SLC36A1: variants seen among roughly 807,000 people sequenced by gnomAD.
SLC36A1 encodes the protein solute carrier family 36 member 1.
In SLC36A1, 30 loss-of-function variants were observed where a neutral mutation model predicts 47.5. The observed-to-expected ratio is 0.63, with a 90% CI of 0.47 to 0.86. The LOEUF (loss-of-function observed/expected upper bound fraction) is 0.86. Among genes scored for constraint, SLC36A1 ranks in the 40% least tolerant of loss-of-function variants. SLC36A1 has a pLI of 0.00. For synonymous variants in SLC36A1, 255 were observed against 249.7 expected (o/e 1.02, Z -0.20); for missense variants, 517 against 606.0 (o/e 0.85, Z 1.54).
At chr5:151,428,824 G>T in the SLC36A1 span, among the ~76,000 whole-genome samples, 12 of 152,286 alleles carry the variant, frequency 7.9e-5, 2 homozygotes, top group Admixed American at 7.2e-4. Context: ...GTAGAGACGG[G>T]GTTTCACCAT....
chr5:151,374,887 T>A, the SLC36A1 span, among the ~76,000 whole-genome samples: 2 of 150,250 alleles, frequency 1.3e-5, no homozygotes, highest in Admixed American at 1.3e-4. Flanking sequence ...GGCAACTTTC[T>A]AATGGAGTTA....
chr5:151,463,565 C>A lies in SLC36A1; in HGVS notation c.156C>A (p.Thr52=). ...GQSNSTTWFQ[T]LIHLLKGNIG... ...TCTTCCACTTCAGATGGTTCCAGAC[C>A]TTGATCCACCTGTTAAAAGGCAACA... is the stretch of plus-strand genomic sequence containing the variant. Residue 52 remains threonine (T), a synonymous_variant, in exon 3 of 11, where the codon ACC becomes ACA. Transcript: ENST00000243389. 6.2e-7 allele frequency: 1 copy of A among 1,613,946 alleles called. No individual in the cohort carries two copies. The highest frequency in any genetic ancestry group is 8.5e-7 in the Non-Finnish European group (1 of 1,179,838).
the SLC36A1 span, among the ~76,000 whole-genome samples, chr5:151,530,719 CTTA>C: frequency 5.9e-5 from 9 of 152,184 alleles, no homozygotes; most frequent in East Asian, 1.5e-3. Flanking sequence ...AAAAGGAGTT[CTTA>C]TTATACAGAG....
At chr5:151,402,766 T>C in the SLC36A1 span, among the ~76,000 whole-genome samples, 2 of 152,198 alleles carry the variant, frequency 1.3e-5, no homozygotes, top group Admixed American at 1.3e-4. Flanking sequence ...TTTATCAGTT[T>C]CCTCTAGATT....
At chr5:151,479,555 A>G (rs1300922635) in intron 10 of SLC36A1, 66 bp downstream of exon 10, 9 of 1,557,052 alleles carry the variant, frequency 5.8e-6, no homozygotes, top group African/African-American at 2.7e-5. Context: ...GCAGGCTTTC[A>G]TGAGAAAAGA....
rs1471516599 is a variant in SLC36A1 at position 151,467,773 on chromosome 5, A to G, written c.571A>G (p.Thr191Ala). The G allele has an allele frequency of 6.2e-7, 1 of 1,613,862 alleles. No individual in the cohort carries two copies. The highest frequency in any genetic ancestry group is 1.3e-5 in the African/African-American group (1 of 74,856). The change falls in exon 7 of 11, where the codon ACC becomes GCC. Residue 191 changes from threonine to alanine, a missense_variant. Transcript: ENST00000243389. ...CAATGAGACGGTGATTCTGACGCCT[A>G]CCATGGACTCGCGACTCTACATGCT... ...HNNETVILTPTMDSRLYMLSF... is the reference protein window; with the variant it reads ...HNNETVILTPAMDSRLYMLSF...
At chr5:151,419,078 TTTC>T in the SLC36A1 span, among the ~76,000 whole-genome samples, 2 of 152,184 alleles carry the variant, frequency 1.3e-5, no homozygotes, top group African/African-American at 4.8e-5. Flanking sequence ...AAGTGCCTGG[TTTC>T]TTCTTCGCCT....
the SLC36A1 span, among the ~76,000 whole-genome samples, chr5:151,394,655 A>G: frequency 6.6e-6 from 1 of 152,154 alleles, no homozygotes; most frequent in Admixed American, 6.5e-5. Flanking sequence ...GTTGGAGTTT[A>G]CTGCAGGTCC....
At chr5:151,439,664 A>G (rs981474226) in intron 1 of SLC36A1, among the ~76,000 whole-genome samples, 42 of 150,826 alleles carry the variant, frequency 2.8e-4, no homozygotes, top group Non-Finnish European at 5.5e-4. Flanking sequence ...AAAAAAAAAG[A>G]AAAGAAAAAA....
the SLC36A1 span, chr5:151,528,071 C>T: frequency 6.2e-7 from 1 of 1,614,200 alleles, no homozygotes; most frequent in Non-Finnish European, 8.5e-7. Flanking sequence ...CAAGCTGGTT[C>T]CCTCCTATGA....
chr5:151,409,637 G>A, the SLC36A1 span, among the ~76,000 whole-genome samples: 1 of 152,146 alleles, frequency 6.6e-6, no homozygotes, highest in Non-Finnish European at 1.5e-5. Flanking sequence ...AGAATCTCAG[G>A]CCCCACCCTG....
the SLC36A1 span, among the ~76,000 whole-genome samples, chr5:151,365,475 G>C: frequency 2.0e-5 from 3 of 152,204 alleles, no homozygotes; most frequent in Admixed American, 2.0e-4. Flanking sequence ...CCACCAATCA[G>C]CAGGGAAACC....
At chr5:151,535,955 G>A in the SLC36A1 span, among the ~76,000 whole-genome samples, 131 of 152,230 alleles carry the variant, frequency 8.6e-4, 2 homozygotes, top group South Asian at 0.025. Flanking sequence ...AGGTTTTTCC[G>A]AAACACCATA....
the SLC36A1 span, chr5:151,545,135 T>G: frequency 1.9e-6 from 3 of 1,614,174 alleles, no homozygotes; most frequent in Non-Finnish European, 2.5e-6. Flanking sequence ...AGGGTGTCAT[T>G]CAAATGATTG....
At chr5:151,379,801 T>C in the SLC36A1 span, among the ~76,000 whole-genome samples, 1 of 152,234 alleles carries the variant, frequency 6.6e-6, no homozygotes, top group Admixed American at 6.5e-5. Flanking sequence ...TAAAATCTAA[T>C]ATTTATTTTA....
At chr5:151,522,216 T>G in the SLC36A1 span, 1 of 671,452 alleles carries the variant, frequency 1.5e-6, no homozygotes. Flanking sequence ...CTCAGCGCAT[T>G]GTTGCATTTA....
At chr5:151,445,014 T>G (rs1752839308), upstream of SLC36A1, among the ~76,000 whole-genome samples, 1 of 152,220 alleles carries the variant, frequency 6.6e-6, no homozygotes, top group Non-Finnish European at 1.5e-5. Context: ...GTGGGTATCC[T>G]TGACTGCTAC....
the SLC36A1 span, among the ~76,000 whole-genome samples, chr5:151,396,048 G>GCGATCC: frequency 6.6e-6 from 1 of 151,426 alleles, no homozygotes; most frequent in Non-Finnish European, 1.5e-5. Flanking sequence ...GACCTCAAGG[G>GCGATCC]ACCTGCTCAC....
chr5:151,469,043 A>C (rs2127501540), intron 7 of SLC36A1, among the ~76,000 whole-genome samples: 1 of 152,136 alleles, frequency 6.6e-6, no homozygotes, highest in South Asian at 2.1e-4. Context: ...GCATTTTCTA[A>C]GGCTTGAGAA....
Sources: gnomAD v4.1 joint callset for allele counts (sites outside exome capture counted in the v4.1 genomes callset) on GRCh38, gnomAD v4.1.1 for gene constraint, MANE v1.5 for transcripts, NCBI Gene and HGNC (gene_info 2026-07-23, HGNC 2026-07-21) for gene names.